SLC25A21: variants seen among roughly 807,000 people sequenced by gnomAD.
SLC25A21 encodes solute carrier family 25 member 21.
A neutral mutation model predicts 43.8 loss-of-function variants in SLC25A21; 47 were observed. That is an observed-to-expected ratio of 1.07 (90% CI 0.85 to 1.37). The LOEUF is 1.37. Ranked by LOEUF, SLC25A21 falls within the 40% of genes most tolerant of loss-of-function variation. The pLI is 0.00. For synonymous variants in SLC25A21, 131 were observed against 121.3 expected (o/e 1.08, Z -0.52); for missense variants, 352 against 350.2 (o/e 1.00, Z -0.04).
At chr14:36,922,614 G>A (rs905982866) in intron 1 of SLC25A21, among the ~76,000 whole-genome samples, 2 of 151,896 alleles carry the variant, frequency 1.3e-5, no homozygotes, top group East Asian at 3.9e-4. Context: ...AGAACTATGA[G>A]GGAGTTGGAG....
intron 1 of SLC25A21, among the ~76,000 whole-genome samples, chr14:37,048,980 G>T (rs775757838): frequency 6.6e-6 from 1 of 152,082 alleles, no homozygotes; most frequent in South Asian, 2.1e-4. Context: ...GTTTGCTTTT[G>T]TTTCTGTTTC....
chr14:36,922,968 C>T (rs1000997062), intron 1 of SLC25A21, among the ~76,000 whole-genome samples: 10 of 152,048 alleles, frequency 6.6e-5, no homozygotes, highest in African/African-American at 1.9e-4. Context: ...CTGGAAAGCA[C>T]GACGCAGACC....
In SLC25A21 at chr14:36,852,347, G is replaced by A. The variant is rs1223842190; in HGVS notation, c.119+22609C>T. Among the ~76,000 whole-genome samples the A allele has an allele frequency of 2.6e-5, 4 of 152,198 alleles. No homozygotes were observed. In the East Asian group the frequency reaches 7.7e-4, roughly 29 times the overall value. The stretch of plus-strand genomic sequence containing the variant: ...TACATCTTTTCTTAACTATACCATT[G>A]CTATTTGGGGGCTGAGGGGGAACAG... On this transcript the variant is annotated intron_variant, in intron 2 of 9. Coordinates refer to ENST00000331299, the MANE Select transcript of SLC25A21 (RefSeq NM_030631.4).
chr14:37,031,128 G>T (rs868375274), intron 1 of SLC25A21, among the ~76,000 whole-genome samples: 1 of 152,110 alleles, frequency 6.6e-6, no homozygotes, highest in Non-Finnish European at 1.5e-5. Flanking sequence ...GCCCTTCTGC[G>T]CATGTTTACT....
At chr14:36,826,689 T>C (rs772365310) in intron 2 of SLC25A21, among the ~76,000 whole-genome samples, 2 of 152,238 alleles carry the variant, frequency 1.3e-5, no homozygotes, top group Non-Finnish European at 2.9e-5. Flanking sequence ...TTTTTGTATG[T>C]GTTCTGTTTC....
intron 1 of SLC25A21, among the ~76,000 whole-genome samples, chr14:37,062,723 T>G (rs529007600): frequency 6.6e-6 from 1 of 152,044 alleles, no homozygotes; most frequent in Non-Finnish European, 1.5e-5. Flanking sequence ...CCTTGGGAAA[T>G]AAGAAGCATA....
chr14:36,777,940 T>C (rs1886896492), intron 3 of SLC25A21, among the ~76,000 whole-genome samples: 2 of 152,324 alleles, frequency 1.3e-5, no homozygotes, highest in African/African-American at 2.4e-5. Context: ...GCTATAACAC[T>C]GAAGGTGCCC....
intron 2 of SLC25A21, among the ~76,000 whole-genome samples, chr14:36,840,624 C>T (rs1889356250): frequency 1.3e-5 from 2 of 152,216 alleles, no homozygotes; most frequent in South Asian, 4.1e-4. Flanking sequence ...GGCTTGATAA[C>T]ATCGATTTCC....
intron 1 of SLC25A21, among the ~76,000 whole-genome samples, chr14:36,908,951 G>T (rs533423929): frequency 1.3e-5 from 2 of 152,308 alleles, no homozygotes; most frequent in South Asian, 4.1e-4. Flanking sequence ...TAGGTTTGGG[G>T]TGATAGTTTA....
chr14:37,163,026 T>G (rs1446561683), intron 1 of SLC25A21, among the ~76,000 whole-genome samples: 1 of 151,272 alleles, frequency 6.6e-6, no homozygotes, highest in Non-Finnish European at 1.5e-5. Context: ...TCATTCTCAG[T>G]AAACTATCAC....
At chr14:37,020,204 G>T (rs1224856678) in intron 1 of SLC25A21, among the ~76,000 whole-genome samples, 1 of 151,770 alleles carries the variant, frequency 6.6e-6, no homozygotes, top group African/African-American at 2.4e-5. Flanking sequence ...AGAGCTATTT[G>T]CCCTAAATAA....
chr14:36,708,781 C>A, intron 7 of SLC25A21, among the ~76,000 whole-genome samples: 1 of 137,886 alleles, frequency 7.3e-6, no homozygotes. Flanking sequence ...GATGAGGTCT[C>A]ACTATGTTCC....
At chr14:36,811,158 C>T (rs1357379372) in intron 3 of SLC25A21, among the ~76,000 whole-genome samples, 1 of 152,082 alleles carries the variant, frequency 6.6e-6, no homozygotes, top group South Asian at 2.1e-4. Context: ...AAAAGCTCTG[C>T]ACACCATGAC....
At chr14:36,830,239 G>C (rs1354255850) in intron 2 of SLC25A21, among the ~76,000 whole-genome samples, 1 of 152,120 alleles carries the variant, frequency 6.6e-6, no homozygotes. Flanking sequence ...ATTTTTTGAA[G>C]ATCGTTCATA....
At chr14:36,942,079 C>CAT (rs34548327) in intron 1 of SLC25A21, among the ~76,000 whole-genome samples, 11,008 of 151,834 alleles carry the variant, frequency 0.073, 553 homozygotes, top group Middle Eastern at 0.15. Flanking sequence ...TTTTATTACA[C>CAT]GTGTTTAATT....
intron 7 of SLC25A21, among the ~76,000 whole-genome samples, chr14:36,690,543 T>C (rs1882754043): frequency 6.6e-6 from 1 of 152,212 alleles, no homozygotes; most frequent in Non-Finnish European, 1.5e-5. Context: ...TCATTCATTG[T>C]GAATCCAGCC....
chr14:36,910,844 C>T (rs1451355018), intron 1 of SLC25A21, among the ~76,000 whole-genome samples: 1 of 152,168 alleles, frequency 6.6e-6, no homozygotes, highest in Non-Finnish European at 1.5e-5. Flanking sequence ...GAGTTCTTTA[C>T]ATTAATTCTC....
At chr14:37,004,292 G>GA (rs971628569) in intron 1 of SLC25A21, among the ~76,000 whole-genome samples, 46 of 152,146 alleles carry the variant, frequency 3.0e-4, no homozygotes, top group African/African-American at 1.1e-3. Context: ...AGTGCTTGGG[G>GA]AAAAAAACTA....
intron 1 of SLC25A21, among the ~76,000 whole-genome samples, chr14:37,061,741 A>G (rs1427705308): frequency 6.6e-6 from 1 of 152,196 alleles, no homozygotes; most frequent in African/African-American, 2.4e-5. Context: ...TTACCCTATC[A>G]TTTTGGTGCA....
Sources: allele counts gnomAD v4.1 joint callset (sites outside exome capture counted in the v4.1 genomes callset), GRCh38; gene constraint gnomAD v4.1.1; transcripts MANE v1.5; gene names NCBI Gene and HGNC (gene_info 2026-07-23, HGNC 2026-07-21).